RYR3: variants seen among roughly 807,000 people sequenced by gnomAD.
RYR3 encodes brain ryanodine receptor-calcium release channel.
Under a neutral mutation model 584.3 loss-of-function variants are expected in RYR3, and 207 were observed. That is an observed-to-expected ratio of 0.35 (90% CI 0.32 to 0.40). The LOEUF (loss-of-function observed/expected upper bound fraction) is 0.40, where lower values mean the gene tolerates loss of function less well. Ranked by LOEUF, RYR3 falls within the 10% of genes least tolerant of loss-of-function variation. RYR3 has a pLI of 1.00. For missense variants in RYR3, 5,616 were observed against 6,089.2 expected (o/e 0.92, Z 2.59); for synonymous variants, 2,416 against 2,248.5 (o/e 1.07, Z -2.11).
At chr15:33,717,352 T>G (rs2152802213) in intron 43 of RYR3, among the ~76,000 whole-genome samples, 1 of 152,320 alleles carries the variant, frequency 6.6e-6, no homozygotes, top group East Asian at 1.9e-4. Flanking sequence ...CCAAAACCCG[T>G]TCTTCCCCGA....
intron 2 of RYR3, among the ~76,000 whole-genome samples, chr15:33,501,601 T>C (rs937435165): frequency 6.6e-6 from 1 of 152,318 alleles, no homozygotes; most frequent in African/African-American, 2.4e-5. Context: ...CTATGGCTTT[T>C]ATGCTTCCTG....
chr15:33,382,318 G>GTTTTTTTTTTTTT (rs1567133176), intron 1 of RYR3, among the ~76,000 whole-genome samples: 3 of 103,264 alleles, frequency 2.9e-5, no homozygotes, highest in African/African-American at 1.4e-4. Context: ...TTTAAAAGTG[G>GTTTTTTTTTTTTT]CTTTTTTTTT....
intron 10 of RYR3, among the ~76,000 whole-genome samples, chr15:33,557,641 C>T (rs2057152117): frequency 6.6e-6 from 1 of 152,134 alleles, no homozygotes; most frequent in African/African-American, 2.4e-5. Context: ...CCTCGGCCTC[C>T]CAAAGTGCTG....
In RYR3 at chr15:33,834,826, C is replaced by G. The variant is rs115351666; in HGVS notation, c.11464-142C>G. Reference sequence around the variant, plus strand: ...TCAGGAAAAGAAAAAAGTAATAATCCTGGGAAAATACTGAGCTATGAAATA... The same window carrying G: ...TCAGGAAAAGAAAAAAGTAATAATCGTGGGAAAATACTGAGCTATGAAATA... On this transcript the variant is annotated intron_variant, in intron 86 of 103. Coordinates refer to ENST00000634891, the MANE Select transcript of RYR3 (RefSeq NM_001036.6). The G allele has an allele frequency of 1.7e-3, 945 of 561,594 alleles. 9 individuals carry two copies. Among genetic ancestry groups the G allele is most frequent in the African/African-American group, 0.017 (876 of 52,594 alleles). 34.8% of individuals were successfully genotyped at this position (561,594 alleles called of 1,614,324 possible).
intron 1 of RYR3, among the ~76,000 whole-genome samples, chr15:33,359,720 G>A (rs1055206052): frequency 2.0e-5 from 3 of 151,936 alleles, no homozygotes; most frequent in South Asian, 2.1e-4. Context: ...CTGGGTTCAC[G>A]CCATTCTCCT....
intron 1 of RYR3, among the ~76,000 whole-genome samples, chr15:33,331,601 A>T (rs1386537243): frequency 6.6e-6 from 1 of 152,106 alleles, no homozygotes. Context: ...AGAAAATAGG[A>T]TATTCAGTGA....
intron 93 of RYR3, among the ~76,000 whole-genome samples, chr15:33,845,846 G>A (rs564135458): frequency 6.5e-4 from 99 of 152,324 alleles, no homozygotes; most frequent in African/African-American, 2.3e-3. Flanking sequence ...ATCCATTGCT[G>A]CATAACAAAC....
chr15:33,439,413 T>A (rs1177822863), intron 1 of RYR3, among the ~76,000 whole-genome samples: 1 of 152,228 alleles, frequency 6.6e-6, no homozygotes, highest in Non-Finnish European at 1.5e-5. Flanking sequence ...AATTCCTGTT[T>A]CTTGGTGAGT....
intron 1 of RYR3, among the ~76,000 whole-genome samples, chr15:33,413,621 T>C (rs2043567163): frequency 6.6e-6 from 1 of 152,182 alleles, no homozygotes; most frequent in African/African-American, 2.4e-5. Context: ...CTGGTCAAAA[T>C]TGCAAAGTGG....
chr15:33,411,813 A>G (rs781356262), intron 1 of RYR3, among the ~76,000 whole-genome samples: 38 of 152,166 alleles, frequency 2.5e-4, no homozygotes, highest in Non-Finnish European at 3.8e-4. Context: ...GGCTTTTCAC[A>G]TACCACACTG....
At chr15:33,611,855 C>T (rs1474659934) in intron 18 of RYR3, among the ~76,000 whole-genome samples, 1 of 152,002 alleles carries the variant, frequency 6.6e-6, no homozygotes. Context: ...GACAGAGTTT[C>T]ACCATGTTGG....
intron 38 of RYR3, among the ~76,000 whole-genome samples, chr15:33,674,309 C>A (rs1302153892): frequency 6.6e-6 from 1 of 152,204 alleles, no homozygotes; most frequent in Non-Finnish European, 1.5e-5. Flanking sequence ...TTCTAAGCCT[C>A]TTCTCTAAAT....
chr15:33,794,103 TAA>T, intron 67 of RYR3, among the ~76,000 whole-genome samples: 1 of 126,056 alleles, frequency 7.9e-6, no homozygotes, highest in South Asian at 2.2e-4. Flanking sequence ...ATATATTATA[TAA>T]ATATAATATA....
intron 1 of RYR3, among the ~76,000 whole-genome samples, chr15:33,465,437 T>C (rs117938535): frequency 0.022 from 3,330 of 152,292 alleles, 56 homozygotes; most frequent in Non-Finnish European, 0.028. Context: ...ACATCTAGCA[T>C]GCAAAGGTTC....
chr15:33,566,831 G>A (rs768079662), intron 12 of RYR3, 32 bp downstream of exon 12: 6 of 1,612,816 alleles, frequency 3.7e-6, no homozygotes, highest in Non-Finnish European at 5.1e-6. Context: ...TCTACCTAGT[G>A]AGTTTGACTC....
intron 1 of RYR3, among the ~76,000 whole-genome samples, chr15:33,331,413 G>A (rs1970363564): frequency 6.6e-6 from 1 of 152,078 alleles, no homozygotes; most frequent in South Asian, 2.1e-4. Flanking sequence ...CATTTTATAA[G>A]GATGCACTGA....
chr15:33,805,058 T>G (rs958268693), intron 69 of RYR3, among the ~76,000 whole-genome samples: 2 of 152,238 alleles, frequency 1.3e-5, no homozygotes, highest in Non-Finnish European at 2.9e-5. Flanking sequence ...GAGAGCTCAT[T>G]GTATATTTTG....
At chr15:33,840,974 T>C in intron 90 of RYR3, 91 bp downstream of exon 90, 2 of 1,172,606 alleles carry the variant, frequency 1.7e-6, no homozygotes, top group Non-Finnish European at 1.3e-6. Flanking sequence ...TCCCAGCACT[T>C]TGAGAGGCTG....
intron 29 of RYR3, among the ~76,000 whole-genome samples, 198 bp downstream of exon 29, chr15:33,646,724 T>C (rs550641478): frequency 4.4e-4 from 67 of 152,342 alleles, no homozygotes; most frequent in African/African-American, 1.6e-3. Flanking sequence ...AGTGCATAAT[T>C]AAGGCACCAA....
Sources: allele counts gnomAD v4.1 joint callset (sites outside exome capture counted in the v4.1 genomes callset), GRCh38; gene constraint gnomAD v4.1.1; transcripts MANE v1.5; gene names NCBI Gene and HGNC (gene_info 2026-07-23, HGNC 2026-07-21).